EXOC4: variants seen among roughly 807,000 people sequenced by gnomAD.
EXOC4 encodes the protein SEC8-like 1.
A neutral mutation model predicts 107.2 loss-of-function variants in EXOC4; 71 were observed. That is an observed-to-expected ratio of 0.66 (90% CI 0.55 to 0.81). The LOEUF is 0.81. Among genes scored for constraint, EXOC4 ranks in the 30% least tolerant of loss-of-function variants. EXOC4 has a pLI of 0.00. For synonymous variants in EXOC4, 456 were observed against 441.2 expected (o/e 1.03, Z -0.42); for missense variants, 1,108 against 1,189.6 (o/e 0.93, Z 1.01).
chr7:133,278,409 C>T (rs1794048497), intron 2 of EXOC4, among the ~76,000 whole-genome samples: 1 of 152,108 alleles, frequency 6.6e-6, no homozygotes, highest in Non-Finnish European at 1.5e-5. Flanking sequence ...ACACACACCC[C>T]CACCCACTCA....
At chr7:133,764,333 T>A (rs1796093560) in intron 10 of EXOC4, among the ~76,000 whole-genome samples, 1 of 152,054 alleles carries the variant, frequency 6.6e-6, no homozygotes, top group East Asian at 1.9e-4. Flanking sequence ...TAAAAAAACC[T>A]ATGCTCTAAG....
At chr7:133,260,270 GT>G (rs34596811) in intron 1 of EXOC4, among the ~76,000 whole-genome samples, 41,954 of 142,960 alleles carry the variant, frequency 0.29, 5,468 homozygotes, top group South Asian at 0.38. Context: ...CCCTTTAACT[GT>G]TTTTTTTTTT....
chr7:133,716,540 A>G (rs1490365991), intron 10 of EXOC4, among the ~76,000 whole-genome samples: 2 of 152,238 alleles, frequency 1.3e-5, no homozygotes, highest in Non-Finnish European at 2.9e-5. Flanking sequence ...AATATAGATT[A>G]TGATATGGTC....
At chr7:133,844,081 A>G (rs927102649) in intron 11 of EXOC4, among the ~76,000 whole-genome samples, 9 of 151,932 alleles carry the variant, frequency 5.9e-5, no homozygotes, top group African/African-American at 2.2e-4. Flanking sequence ...TTTGTTGAGG[A>G]CCTTGGCATC....
intron 15 of EXOC4, among the ~76,000 whole-genome samples, chr7:133,998,888 A>G (rs1038502131): frequency 6.6e-6 from 1 of 152,188 alleles, no homozygotes; most frequent in African/African-American, 2.4e-5. Flanking sequence ...TTTGGGACAT[A>G]TGCTGAAGGT....
intron 10 of EXOC4, among the ~76,000 whole-genome samples, chr7:133,640,004 T>A (rs574635533): frequency 6.6e-6 from 1 of 152,302 alleles, no homozygotes; most frequent in South Asian, 2.1e-4. Context: ...ATTTTAAAAA[T>A]CTTTTAAAAT....
At chr7:134,029,605 CA>C (rs1319657023) in intron 17 of EXOC4, among the ~76,000 whole-genome samples, 1 of 152,172 alleles carries the variant, frequency 6.6e-6, no homozygotes, top group Non-Finnish European at 1.5e-5. Context: ...CTGCAGCCTC[CA>C]CCTCCTGGGC....
At chr7:133,490,322 A>G (rs1017975670) in intron 9 of EXOC4, among the ~76,000 whole-genome samples, 1 of 152,210 alleles carries the variant, frequency 6.6e-6, no homozygotes, top group Non-Finnish European at 1.5e-5. Flanking sequence ...CAGGAACACA[A>G]GTGATCACAG....
chr7:133,769,718 G>C (rs1413984111), intron 10 of EXOC4, among the ~76,000 whole-genome samples: 1 of 151,812 alleles, frequency 6.6e-6, no homozygotes, highest in East Asian at 1.9e-4. Flanking sequence ...AGATAACAAA[G>C]CAAATCTAAA....
intron 17 of EXOC4, among the ~76,000 whole-genome samples, chr7:134,031,481 G>C (rs572606644): frequency 2.6e-5 from 4 of 152,242 alleles, no homozygotes; most frequent in Admixed American, 2.0e-4. Context: ...GGTAGTCTTG[G>C]TGATTTTAGT....
chr7:133,839,613 G>A (rs1797985022), intron 11 of EXOC4, among the ~76,000 whole-genome samples: 1 of 152,188 alleles, frequency 6.6e-6, no homozygotes, highest in Non-Finnish European at 1.5e-5. Flanking sequence ...TGATACTCAA[G>A]TAAGAATTCT....
chr7:134,047,519 C>G (rs576605976), intron 17 of EXOC4, among the ~76,000 whole-genome samples: 1 of 152,240 alleles, frequency 6.6e-6, no homozygotes, highest in African/African-American at 2.4e-5. Flanking sequence ...CCAGACACCC[C>G]CCAAAGGCAC....
intron 10 of EXOC4, among the ~76,000 whole-genome samples, chr7:133,804,837 ACTTT>A (rs1459937857): frequency 6.6e-6 from 1 of 151,964 alleles, no homozygotes; most frequent in Non-Finnish European, 1.5e-5. Context: ...TAACTTCACA[ACTTT>A]CTTTTTTTCC....
chr7:133,834,481 C>G (rs912497024), intron 11 of EXOC4, among the ~76,000 whole-genome samples: 1 of 152,226 alleles, frequency 6.6e-6, no homozygotes, highest in African/African-American at 2.4e-5. Flanking sequence ...GGAATAAAGA[C>G]TCTCGTACCC....
Position 134,065,402 on chromosome 7 carries a change from T to G in EXOC4, c.*874T>G, listed in dbSNP as rs1242874457. ...CTCACTTGGTCTGAGCTCAGCTGAA[T>G]GCAGGGAAGATGGGACAGAGTGACA... On this transcript the variant is annotated 3_prime_UTR_variant, in exon 18 of 18. Coordinates refer to ENST00000253861, the MANE Select transcript of EXOC4 (RefSeq NM_021807.4). 1 of 152,204 alleles carries G rather than the reference T, an allele frequency of 6.6e-6. No homozygotes were observed. Among genetic ancestry groups the G allele is most frequent in the Non-Finnish European group, 1.5e-5 (1 of 68,072 alleles). 9.4% of individuals were successfully genotyped at this position (152,204 alleles called of 1,614,324 possible).
At chr7:133,721,885 C>A (rs1025465044) in intron 10 of EXOC4, among the ~76,000 whole-genome samples, 1 of 152,180 alleles carries the variant, frequency 6.6e-6, no homozygotes, top group African/African-American at 2.4e-5. Context: ...ATATCCTTGT[C>A]CCTGACCCAG....
At chr7:133,477,637 C>T (rs1223272300) in intron 8 of EXOC4, among the ~76,000 whole-genome samples, 1 of 152,126 alleles carries the variant, frequency 6.6e-6, no homozygotes, top group Non-Finnish European at 1.5e-5. Flanking sequence ...TTGGTGTGGA[C>T]ATAAATTTTC....
At chr7:133,708,840 CA>C (rs898730149) in intron 10 of EXOC4, among the ~76,000 whole-genome samples, 42 of 152,278 alleles carry the variant, frequency 2.8e-4, no homozygotes, top group Admixed American at 1.8e-3. Flanking sequence ...TTTCAAAAAA[CA>C]AAAATCTCAG....
chr7:133,358,140 C>T (rs941015733), intron 6 of EXOC4, among the ~76,000 whole-genome samples: 1 of 152,086 alleles, frequency 6.6e-6, no homozygotes, highest in African/African-American at 2.4e-5. Context: ...GTGAGCCGAG[C>T]ACACTACTGC....
Sources: gnomAD v4.1 joint callset for allele counts (sites outside exome capture counted in the v4.1 genomes callset) on GRCh38, gnomAD v4.1.1 for gene constraint, MANE v1.5 for transcripts, NCBI Gene and HGNC (gene_info 2026-07-23, HGNC 2026-07-21) for gene names.